Variants in SUPT16H observed in about 807,000 individuals in gnomAD.
SUPT16H encodes SPT16 homolog, facilitates chromatin remodeling subunit.
A neutral mutation model predicts 136.2 loss-of-function variants in SUPT16H; 24 were observed. The ratio of observed to expected loss-of-function variants is 0.18; its 90% confidence interval spans 0.13 to 0.25. The LOEUF (loss-of-function observed/expected upper bound fraction) is 0.25. Ranked by LOEUF, SUPT16H falls within the 10% of genes least tolerant of loss-of-function variation. SUPT16H has a pLI of 1.00. For synonymous variants in SUPT16H, 415 were observed against 428.2 expected, an observed-to-expected ratio of 0.97 and a Z score of 0.38; for missense variants, 623 against 1,270.2, an observed-to-expected ratio of 0.49 and a Z score of 7.74.
Position 21,373,186 on chromosome 14 carries a change from T to C in SUPT16H, c.159+152A>G, listed in dbSNP as rs185532612. On this transcript the variant is annotated intron_variant, in intron 2 of 25. Transcript: ENST00000216297. ...GTCTTGAACTCCTGGGCTCAAGCAATCCACCTGCCTCGGCCTCCCAAAGTG... is the reference window on the plus strand; with the variant it reads ...GTCTTGAACTCCTGGGCTCAAGCAACCCACCTGCCTCGGCCTCCCAAAGTG... 1.1e-5 allele frequency: 7 copies of C among 616,918 alleles called. No individual in the cohort carries two copies. The East Asian group carries it at 2.1e-4, about 19-fold the overall frequency. 38.2% of individuals were successfully genotyped at this position (616,918 alleles called of 1,614,324 possible).
At chr14:21,377,076 G>A (rs74411755) in intron 1 of SUPT16H, among the ~76,000 whole-genome samples, 4,148 of 109,288 alleles carry the variant, frequency 0.038, 1 homozygote, top group Non-Finnish European at 0.043. Flanking sequence ...GAAAGAAAAA[G>A]AAAAAAAAAA....
chr14:21,353,399 C>T (rs1375124853), intron 25 of SUPT16H, 89 bp downstream of exon 25: 15 of 1,284,668 alleles, frequency 1.2e-5, no homozygotes, highest in East Asian at 4.6e-5. Context: ...ACTTTCATTA[C>T]GCCATCAATA....
chr14:21,367,010 A>G (rs8018369), intron 7 of SUPT16H, among the ~76,000 whole-genome samples: 131,695 of 152,092 alleles, frequency 0.87, 57,552 homozygotes, highest in Middle Eastern at 0.94. Flanking sequence ...GCGTGATCCT[A>G]CTTCACTGCA....
intron 21 of SUPT16H, among the ~76,000 whole-genome samples, chr14:21,357,616 A>T (rs1886462723): frequency 6.6e-6 from 1 of 152,094 alleles, no homozygotes. Flanking sequence ...AAAATAAACT[A>T]TTTAAAAAGA....
rs1594314868 is a variant in SUPT16H at position 21,383,349 on chromosome 14, G to A, written c.66+513C>T. 3 of 454,598 alleles carry A rather than the reference G, an allele frequency of 6.6e-6. No homozygotes were observed. The East Asian group carries it at 1.1e-4, about 16-fold the overall frequency. The allele number at this position is 454,598 out of a possible 1,614,324, so 28.2% of individuals were successfully genotyped here. A position where few individuals can be genotyped will look rare whatever the true frequency, so the allele number is the denominator to read the frequency against. On this transcript the variant is annotated intron_variant, in intron 1 of 25. Transcript: ENST00000216297. ...GGCCTAGAACATGAGGCGGTTGCGCGTGAGCAGTATTTCTTTTTTTAACTC... is the reference window on the plus strand; with the variant it reads ...GGCCTAGAACATGAGGCGGTTGCGCATGAGCAGTATTTCTTTTTTTAACTC...
At chr14:21,365,411 C>A (rs537212132) in intron 8 of SUPT16H, among the ~76,000 whole-genome samples, 1 of 152,216 alleles carries the variant, frequency 6.6e-6, no homozygotes, top group South Asian at 2.1e-4. Context: ...AAACTTTAAC[C>A]TTCTACCATA....
chr14:21,362,416 T>C lies in SUPT16H; in HGVS notation c.1666-92A>G, dbSNP rs533786581. On this transcript the variant is annotated intron_variant, in intron 14 of 25. Transcript: ENST00000216297. ...TTAAAATTAAGTTAGGAGTTACAAA[T>C]TGACCGCTCTTAACCTTAATCTAAA... is the stretch of plus-strand genomic sequence containing the variant. 4.1e-4 allele frequency: 516 copies of C among 1,270,320 alleles called. 1 individual carries two copies. The African/African-American group carries it at 4.6e-3, about 11-fold the overall frequency. The allele number at this position is 1,270,320 out of a possible 1,614,324, so 78.7% of individuals were successfully genotyped here.
At chr14:21,374,346 G>A (rs1364557346) in intron 1 of SUPT16H, among the ~76,000 whole-genome samples, 3 of 152,200 alleles carry the variant, frequency 2.0e-5, no homozygotes, top group Non-Finnish European at 4.4e-5. Context: ...AGAGACGGGA[G>A]TTCTTTATTT....
Position 21,361,358 on chromosome 14 carries a change from C to T in SUPT16H, c.1794-145G>A, listed in dbSNP as rs188953210. On this transcript the variant is annotated intron_variant, in intron 15 of 25. Coordinates refer to ENST00000216297, the MANE Select transcript of SUPT16H (RefSeq NM_007192.4). ...TTGAGACAGGGTGTGCCTCTGTCACCCAGGCTGGAGTGCAGTGGCCCAATC... is the reference window on the plus strand; with the variant it reads ...TTGAGACAGGGTGTGCCTCTGTCACTCAGGCTGGAGTGCAGTGGCCCAATC... 66 of 1,009,050 alleles carry T rather than the reference C, an allele frequency of 6.5e-5. No homozygotes were observed. The African/African-American group carries it at 1.1e-3, about 16-fold the overall frequency. The allele number at this position is 1,009,050 out of a possible 1,614,324, so 62.5% of individuals were successfully genotyped here.
At position 21,358,091 on chromosome 14, in the gene SUPT16H, A is replaced by G. The variant is rs534957573; in HGVS notation, c.2415-89T>C. 1,963 of 1,222,742 alleles carry G rather than the reference A, an allele frequency of 1.6e-3. 10 individuals are homozygous for G. The highest frequency in any genetic ancestry group is 0.014 in the Middle Eastern group (57 of 4,124). The allele number at this position is 1,222,742 out of a possible 1,614,324, so 75.7% of individuals were successfully genotyped here. A position where few individuals can be genotyped will look rare whatever the true frequency, so the allele number is the denominator to read the frequency against. ...CAAACTTCTTCCCTCTCCCCATTCC[A>G]AACAGCTCCAGCATACTCACTGGAG... On this transcript the variant is annotated intron_variant, in intron 20 of 25. Transcript: ENST00000216297.
rs796666241 is a variant in SUPT16H, at chr14:21,369,524, G to A, written c.631-169C>T. ...GCAAAACACATTTGGAGAACAATATGTAGGACTTACAGCTATTCCTATGAT... is the reference window on the plus strand; with the variant it reads ...GCAAAACACATTTGGAGAACAATATATAGGACTTACAGCTATTCCTATGAT... On this transcript the variant is annotated intron_variant, in intron 5 of 25. Coordinates refer to ENST00000216297, the MANE Select transcript of SUPT16H (RefSeq NM_007192.4). 5.1e-5 allele frequency: 50 copies of A among 986,402 alleles called. No homozygotes were observed. In the South Asian group the frequency reaches 8.0e-4, roughly 16 times the overall value. The allele number at this position is 986,402 out of a possible 1,614,324, so 61.1% of individuals were successfully genotyped here. A position where few individuals can be genotyped will look rare whatever the true frequency, so the allele number is the denominator to read the frequency against.
intron 1 of SUPT16H, among the ~76,000 whole-genome samples, chr14:21,377,705 C>T (rs1005775955): frequency 6.6e-6 from 1 of 151,860 alleles, no homozygotes; most frequent in Non-Finnish European, 1.5e-5. Flanking sequence ...CTCACTGTGG[C>T]CTCTGCCTCC....
Position 21,361,196 on chromosome 14 carries a change from T to C in SUPT16H, c.1811A>G (p.Asn604Ser). 6.2e-7 allele frequency: 1 copy of C among 1,614,072 alleles called. No homozygotes were observed. The highest frequency in any genetic ancestry group is 8.5e-7 in the Non-Finnish European group (1 of 1,180,020). Reference sequence around the variant, plus strand: ...TGTCTGTTCTCCGGGTGCCTTAATATTTGATGCTCGGTATGTACTGCAGAA... The same window carrying C: ...TGTCTGTTCTCCGGGTGCCTTAATACTTGATGCTCGGTATGTACTGCAGAA... Reference protein sequence around the residue: ...FVKEITYRASNIKAPGEQTVP... With the variant: ...FVKEITYRASSIKAPGEQTVP... Residue 604 changes from asparagine (N) to serine (S), a missense_variant, in exon 16 of 26, where the codon AAT becomes AGT. Asn to Ser is a conservative substitution (Grantham distance 46). This residue lies in a region of SUPT16H where 62 missense variants were observed against 200.5 expected (regional missense o/e 0.31). Transcript: ENST00000216297.
intron 1 of SUPT16H, chr14:21,382,998 T>TAATA (rs1887064989): frequency 6.6e-6 from 1 of 152,232 alleles, no homozygotes; most frequent in African/African-American, 2.4e-5. Context: ...AAAAAAATCT[T>TAATA]TATTAGCTGT....
chr14:21,380,327 T>G (rs1467656833), intron 1 of SUPT16H, among the ~76,000 whole-genome samples: 1 of 57,976 alleles, frequency 1.7e-5, no homozygotes, highest in Non-Finnish European at 4.0e-5. Flanking sequence ...AAATGGGCTC[T>G]CTCTCACTAT....
At chr14:21,365,343 A>T (rs1175714229) in intron 8 of SUPT16H, among the ~76,000 whole-genome samples, 200 bp from the exon 9 acceptor site, 1 of 152,220 alleles carries the variant, frequency 6.6e-6, no homozygotes, top group Non-Finnish European at 1.5e-5. Flanking sequence ...ATGGCGAAAA[A>T]TAATTTCCTA....
At chr14:21,376,881 A>T (rs1057139687) in intron 1 of SUPT16H, among the ~76,000 whole-genome samples, 2 of 152,146 alleles carry the variant, frequency 1.3e-5, no homozygotes, top group Non-Finnish European at 2.9e-5. Flanking sequence ...GCACTTGAAT[A>T]CATATTTCAG....
intron 2 of SUPT16H, 41 bp downstream of exon 2, chr14:21,373,297 C>A (rs751356753): frequency 6.8e-7 from 1 of 1,478,086 alleles, no homozygotes; most frequent in East Asian, 2.3e-5. Flanking sequence ...AGTAGATAAT[C>A]CAACAACTCT....
In SUPT16H at chr14:21,352,459, C is replaced by T. The variant is rs1886332534; in HGVS notation, c.*214G>A. On this transcript the variant is annotated 3_prime_UTR_variant, in exon 26 of 26. Transcript: ENST00000216297. ...CCTCCTCCTGTCTTCAAGAACACCT[C>T]CTCCCTTGCCATCTGAATGGGGCCA... 1.5e-6 allele frequency: 1 copy of T among 658,894 alleles called. No individual in the cohort carries two copies. The highest frequency in any genetic ancestry group is 1.8e-5 in the African/African-American group (1 of 55,706). 40.8% of individuals were successfully genotyped at this position (658,894 alleles called of 1,614,324 possible).
Sources: gnomAD v4.1 joint callset for allele counts (sites outside exome capture counted in the v4.1 genomes callset) on GRCh38, gnomAD v4.1.1 for gene constraint, gnomAD v4.1.1 regional missense constraint, MANE v1.5 for transcripts, NCBI Gene and HGNC (gene_info 2026-07-23, HGNC 2026-07-21) for gene names.